The following OPCML variants were observed in gnomAD, a reference collection of about 807,000 sequenced individuals.
OPCML encodes the protein opioid binding protein/cell adhesion molecule like.
In OPCML, 13 loss-of-function variants were observed where a neutral mutation model predicts 37.8. The observed-to-expected ratio is 0.34, with a 90% CI of 0.22 to 0.55. The LOEUF is 0.55. OPCML is among the 20% of genes least tolerant of loss of function. OPCML has a pLI of 0.91. For missense variants in OPCML, 341 were observed against 435.6 expected, an observed-to-expected ratio of 0.78 and a Z score of 1.93; for synonymous variants, 176 against 168.8, an observed-to-expected ratio of 1.04 and a Z score of -0.33.
intron 3 of OPCML, among the ~76,000 whole-genome samples, chr11:132,586,616 G>A (rs749898620): frequency 3.9e-5 from 6 of 152,300 alleles, no homozygotes; most frequent in Admixed American, 2.0e-4. Flanking sequence ...CAACTCTCCA[G>A]CTTTCTGACG....
chr11:132,756,942 C>G (rs1269971022), intron 2 of OPCML, among the ~76,000 whole-genome samples: 1 of 152,116 alleles, frequency 6.6e-6, no homozygotes, highest in Non-Finnish European at 1.5e-5. Flanking sequence ...CTCCCCACCC[C>G]CTGACAGGCC....
intron 2 of OPCML, among the ~76,000 whole-genome samples, chr11:132,662,107 G>C (rs531745826): frequency 1.3e-5 from 2 of 150,246 alleles, no homozygotes; most frequent in South Asian, 4.5e-4. Flanking sequence ...GGTGAACTTA[G>C]GGAAATCCAT....
intron 1 of OPCML, among the ~76,000 whole-genome samples, chr11:133,033,833 G>T (rs1947717054): frequency 6.6e-6 from 1 of 151,942 alleles, no homozygotes; most frequent in Non-Finnish European, 1.5e-5. Context: ...TGTGGTCACG[G>T]GTATCAACTC....
At chr11:132,697,861 G>T (rs1019200309) in intron 2 of OPCML, among the ~76,000 whole-genome samples, 1 of 151,980 alleles carries the variant, frequency 6.6e-6, no homozygotes, top group Non-Finnish European at 1.5e-5. Context: ...GTCCTCCGGG[G>T]CTCAAGTAAT....
At chr11:132,908,313 C>T (rs117812212) in intron 2 of OPCML, among the ~76,000 whole-genome samples, 2 of 152,336 alleles carry the variant, frequency 1.3e-5, no homozygotes, top group East Asian at 3.9e-4. Flanking sequence ...TATGCACACA[C>T]GTGCACACAT....
At chr11:132,573,268 C>A (rs2096442675) in intron 3 of OPCML, among the ~76,000 whole-genome samples, 1 of 151,700 alleles carries the variant, frequency 6.6e-6, no homozygotes, top group South Asian at 2.1e-4. Flanking sequence ...TGTTATACAA[C>A]CTCCAGGACT....
At chr11:132,493,347 C>T (rs371485670) in intron 4 of OPCML, among the ~76,000 whole-genome samples, 1 of 152,210 alleles carries the variant, frequency 6.6e-6, no homozygotes, top group African/African-American at 2.4e-5. Flanking sequence ...ATGCTCTTCC[C>T]TTTATATCCA....
intron 1 of OPCML, among the ~76,000 whole-genome samples, chr11:133,064,138 C>T (rs1023549962): frequency 6.6e-6 from 1 of 152,154 alleles, no homozygotes; most frequent in Non-Finnish European, 1.5e-5. Context: ...TGGCGCTGAT[C>T]CAGAGGAGGC....
intron 1 of OPCML, among the ~76,000 whole-genome samples, chr11:133,140,283 G>A (rs146961674): frequency 0.026 from 3,851 of 149,426 alleles, 163 homozygotes; most frequent in African/African-American, 0.089. Context: ...AGGCTGAGGC[G>A]GGCAGATCAC....
At chr11:132,731,598 T>G (rs1945077830) in intron 2 of OPCML, among the ~76,000 whole-genome samples, 1 of 152,278 alleles carries the variant, frequency 6.6e-6, no homozygotes, top group Non-Finnish European at 1.5e-5. Context: ...CATTGTAAGG[T>G]TATGGGTCTT....
intron 2 of OPCML, among the ~76,000 whole-genome samples, chr11:132,845,148 A>G (rs1941467562): frequency 6.6e-6 from 1 of 152,076 alleles, no homozygotes; most frequent in South Asian, 2.1e-4. Flanking sequence ...ATTTGACTCT[A>G]GCTCGTTACT....
At chr11:132,994,498 C>T (rs1264855241) in intron 1 of OPCML, among the ~76,000 whole-genome samples, 1 of 152,100 alleles carries the variant, frequency 6.6e-6, no homozygotes, top group Non-Finnish European at 1.5e-5. Context: ...GAACTTCCAG[C>T]GACCAGGCAC....
At chr11:133,063,886 C>T (rs969042613) in intron 1 of OPCML, among the ~76,000 whole-genome samples, 2 of 152,154 alleles carry the variant, frequency 1.3e-5, no homozygotes, top group African/African-American at 4.8e-5. Flanking sequence ...TTAATACCAG[C>T]TAGATCTTCA....
intron 1 of OPCML, among the ~76,000 whole-genome samples, chr11:133,166,375 C>T (rs188213445): frequency 1.8e-4 from 28 of 152,300 alleles, no homozygotes; most frequent in Non-Finnish European, 3.5e-4. Context: ...TTCTAAATGA[C>T]GGAACTGTGA....
intron 1 of OPCML, among the ~76,000 whole-genome samples, chr11:133,070,649 A>C (rs767924254): frequency 1.1e-4 from 17 of 152,246 alleles, no homozygotes; most frequent in Non-Finnish European, 1.6e-4. Flanking sequence ...TTTGGAATGC[A>C]TAAATCCAAG....
intron 1 of OPCML, among the ~76,000 whole-genome samples, chr11:133,131,949 T>C (rs1949610700): frequency 6.6e-6 from 1 of 152,172 alleles, no homozygotes. Context: ...TTATACCATA[T>C]ACAAAAATTA....
intron 1 of OPCML, among the ~76,000 whole-genome samples, chr11:133,339,263 T>C (rs1943810304): frequency 6.6e-6 from 1 of 152,236 alleles, no homozygotes; most frequent in African/African-American, 2.4e-5. Context: ...ACAATTCCCA[T>C]AACAGCCTTC....
intron 4 of OPCML, among the ~76,000 whole-genome samples, chr11:132,448,987 C>CT (rs2096062147): frequency 6.6e-6 from 1 of 152,172 alleles, no homozygotes; most frequent in African/African-American, 2.4e-5. Context: ...CAAATAATTC[C>CT]TTAAGTTCTG....
At position 133,435,199 on chromosome 11, in the gene OPCML, T is replaced by C. The variant is rs1056444882; in HGVS notation, c.61+97065A>G. On this transcript the variant is annotated intron_variant, in intron 1 of 7. Coordinates refer to ENST00000524381, the MANE Select transcript of OPCML (RefSeq NM_001012393.5). ...ATTTTATGTAGCAAATTATATGCTA[T>C]AGTAAGATTCATGAATATGGGGATT... Among the ~76,000 whole-genome samples, 3 of 152,144 alleles carry C rather than the reference T, an allele frequency of 2.0e-5. No homozygotes were observed. In the East Asian group the frequency reaches 5.8e-4, roughly 29 times the overall value.
Sources: allele counts gnomAD v4.1 joint callset (sites outside exome capture counted in the v4.1 genomes callset), GRCh38; gene constraint gnomAD v4.1.1; transcripts MANE v1.5; gene names NCBI Gene and HGNC (gene_info 2026-07-23, HGNC 2026-07-21).